RAB3GAP1: variants seen among roughly 807,000 people sequenced by gnomAD.
RAB3GAP1 encodes rab3 GTPase-activating protein catalytic subunit.
In RAB3GAP1, 86 loss-of-function variants were observed where a neutral mutation model predicts 130.7. The ratio of observed to expected loss-of-function variants is 0.66; its 90% CI spans 0.55 to 0.79. The LOEUF is 0.79. Ranked by LOEUF, RAB3GAP1 falls within the 30% of genes least tolerant of loss-of-function variation. RAB3GAP1 has a pLI of 0.00. For missense variants in RAB3GAP1, 1,029 were observed against 1,169.4 expected (o/e 0.88, Z 1.75); for synonymous variants, 367 against 401.7 (o/e 0.91, Z 1.03).
chr2:135,123,057 G>A (rs1200286593), intron 8 of RAB3GAP1, among the ~76,000 whole-genome samples: 1 of 152,030 alleles, frequency 6.6e-6, no homozygotes, highest in Non-Finnish European at 1.5e-5. Context: ...TCTTAGAGAT[G>A]TAAGTTTCTT....
intron 3 of RAB3GAP1, among the ~76,000 whole-genome samples, chr2:135,074,382 C>A (rs1230346457): frequency 6.6e-6 from 1 of 152,236 alleles, no homozygotes. Flanking sequence ...CCTGTTCAGT[C>A]CCTAGCCTTC....
At chr2:135,168,517 T>C in intron 23 of RAB3GAP1, 28 bp from the exon 24 acceptor site, 1 of 1,589,588 alleles carries the variant, frequency 6.3e-7, no homozygotes. Flanking sequence ...TGACCTGCTT[T>C]TGACTTTAGC....
At position 135,122,103 on chromosome 2, in the gene RAB3GAP1, G is replaced by GA. The variant is rs1328089932; in HGVS notation, c.748+1193dup. Reference sequence around the variant, plus strand: ...GTGAGACCCTGTCTCAAAAAAAAAAGAAAAAAAATTAATGTAATATATCCT... The same window carrying GA: ...GTGAGACCCTGTCTCAAAAAAAAAAGAAAAAAAAATTAATGTAATATATCCT... On this transcript the variant is annotated intron_variant, in intron 8 of 23. Transcript: ENST00000264158. 3.3e-5 allele frequency among the ~76,000 whole-genome samples: 5 copies of GA among 150,656 alleles called. No homozygotes were observed. In the South Asian group the frequency reaches 1.0e-3, roughly 32 times the overall value.
At chr2:135,135,501 G>A (rs1310453692) in intron 16 of RAB3GAP1, 63 bp from the exon 17 acceptor site, 1 of 1,496,422 alleles carries the variant, frequency 6.7e-7, no homozygotes, top group Middle Eastern at 1.7e-4. Context: ...TATTCAAGCA[G>A]TAGGTAGATT....
At chr2:135,158,582 T>G (rs1239575765) in intron 19 of RAB3GAP1, among the ~76,000 whole-genome samples, 1 of 151,928 alleles carries the variant, frequency 6.6e-6, no homozygotes, top group African/African-American at 2.4e-5. Context: ...CAAAGATGAG[T>G]GGTAAATGTA....
chr2:135,136,825 T>G (rs548945933), intron 17 of RAB3GAP1: 30 of 592,144 alleles, frequency 5.1e-5, no homozygotes, highest in Non-Finnish European at 5.1e-5. Context: ...CCAGGCACAA[T>G]GGCTCAAGCC....
At chr2:135,053,867 A>G (rs1688943870) in intron 2 of RAB3GAP1, among the ~76,000 whole-genome samples, 2 of 152,196 alleles carry the variant, frequency 1.3e-5, no homozygotes, top group Admixed American at 6.5e-5. Flanking sequence ...TGTGGACTAC[A>G]ATAGTTGGAG....
intron 5 of RAB3GAP1, among the ~76,000 whole-genome samples, chr2:135,106,461 AC>A (rs555642238): frequency 5.3e-5 from 8 of 152,132 alleles, no homozygotes; most frequent in Non-Finnish European, 1.0e-4. Flanking sequence ...CTTACCCCCA[AC>A]CCGTGCTCTC....
At chr2:135,165,784 C>T (rs1282939821) in intron 23 of RAB3GAP1, among the ~76,000 whole-genome samples, 2 of 152,206 alleles carry the variant, frequency 1.3e-5, no homozygotes, top group East Asian at 3.8e-4. Flanking sequence ...TAATATCTAT[C>T]CAGTTCACTA....
intron 14 of RAB3GAP1, among the ~76,000 whole-genome samples, 162 bp from the exon 15 acceptor site, chr2:135,133,699 C>T (rs1370461219): frequency 1.3e-5 from 2 of 152,012 alleles, no homozygotes; most frequent in Non-Finnish European, 2.9e-5. Context: ...GTGGGACTTC[C>T]TAAGAATAGT....
chr2:135,162,663 A>C lies in RAB3GAP1; in HGVS notation c.2386+12A>C. The stretch of plus-strand genomic sequence containing the variant: ...GGTAAAGGAAGAAGGTAAATGTCAT[A>C]TTTAACTAGTCATTAGTCATTTCCA... On this transcript the variant is annotated intron_variant, in intron 20 of 23. Coordinates refer to ENST00000264158, the MANE Select transcript of RAB3GAP1 (RefSeq NM_012233.3). The C allele has an allele frequency of 6.2e-7, 1 of 1,610,562 alleles. No individual in the cohort carries two copies. The highest frequency in any genetic ancestry group is 1.7e-5 in the Admixed American group (1 of 60,014).
At chr2:135,154,495 A>G (rs962779004) in intron 19 of RAB3GAP1, among the ~76,000 whole-genome samples, 4 of 152,208 alleles carry the variant, frequency 2.6e-5, no homozygotes, top group African/African-American at 7.2e-5. Context: ...AGAAATTGCA[A>G]TGACCTTCAA....
At chr2:135,117,648 GCTTCTGCTT>G (rs1361068227) in intron 7 of RAB3GAP1, among the ~76,000 whole-genome samples, 38 of 15,226 alleles carry the variant, frequency 2.5e-3, no homozygotes, top group African/African-American at 4.3e-3. Flanking sequence ...TTCTTCTTCT[GCTTCTGCTT>G]CTTCTGCTTC....
At chr2:135,052,396 T>C in intron 1 of RAB3GAP1, 34 bp from the exon 2 acceptor site, 1 of 1,614,096 alleles carries the variant, frequency 6.2e-7, no homozygotes, top group South Asian at 1.1e-5. Flanking sequence ...GCCTTGGGGC[T>C]TAATTTCTTT....
At chr2:135,127,192 T>C (rs1472763771) in intron 11 of RAB3GAP1, among the ~76,000 whole-genome samples, 18 of 151,562 alleles carry the variant, frequency 1.2e-4, no homozygotes, top group Non-Finnish European at 2.4e-4. Context: ...TTTTTCTTTT[T>C]TTTTTTTTTT....
intron 18 of RAB3GAP1, among the ~76,000 whole-genome samples, chr2:135,151,161 G>C (rs1692162369): frequency 6.6e-6 from 1 of 152,164 alleles, no homozygotes. Flanking sequence ...TAAAAACTAG[G>C]AATGAAGAAA....
At chr2:135,165,044 T>A (rs1326632011) in intron 23 of RAB3GAP1, 7 of 424,492 alleles carry the variant, frequency 1.6e-5, no homozygotes, top group African/African-American at 1.4e-4. Flanking sequence ...AGAATGGAGT[T>A]CAGTTTTACC....
intron 17 of RAB3GAP1, among the ~76,000 whole-genome samples, chr2:135,145,143 C>A (rs577766057): frequency 6.6e-6 from 1 of 152,000 alleles, no homozygotes; most frequent in Non-Finnish European, 1.5e-5. Context: ...GCATAGAAAG[C>A]GTAATGATCA....
intron 17 of RAB3GAP1, among the ~76,000 whole-genome samples, chr2:135,136,421 G>A (rs973317033): frequency 6.6e-5 from 10 of 152,180 alleles, no homozygotes; most frequent in Non-Finnish European, 1.5e-4. Context: ...GATAAATGTG[G>A]TCTTGATTTA....
Sources: allele counts gnomAD v4.1 joint callset (sites outside exome capture counted in the v4.1 genomes callset), GRCh38; gene constraint gnomAD v4.1.1; transcripts MANE v1.5; gene names NCBI Gene and HGNC (gene_info 2026-07-23, HGNC 2026-07-21).